The following BCKDHA variants were observed in gnomAD, a reference collection of about 807,000 sequenced individuals.
The protein encoded by BCKDHA is 2-oxoisovalerate dehydrogenase subunit alpha, mitochondrial.
In BCKDHA, 43 loss-of-function variants were observed where a neutral mutation model predicts 52.2. The observed-to-expected ratio is 0.82, with a 90% CI of 0.64 to 1.06. The LOEUF (loss-of-function observed/expected upper bound fraction) is 1.06, where lower values mean the gene tolerates loss of function less well. Ranked by LOEUF, BCKDHA falls within the 50% of genes least tolerant of loss-of-function variation. The pLI, the probability that BCKDHA is intolerant of heterozygous loss-of-function variation, is 0.00. For synonymous variants in BCKDHA, 234 were observed against 247.9 expected, an observed-to-expected ratio of 0.94 and a Z score of 0.53; for missense variants, 527 against 621.3, an observed-to-expected ratio of 0.85 and a Z score of 1.61.
chr19:41,420,382 T>TG lies in BCKDHA; in HGVS notation c.646+1089dup, dbSNP rs550952955. On this transcript the variant is annotated intron_variant, in intron 5 of 8. Transcript: ENST00000269980. The stretch of plus-strand genomic sequence containing the variant: ...GTGTGTGTGAGAGACAGCAAGTGAA[T>TG]GGGAAAAAAAAAAGTGCAGGAGCCT... Among the ~76,000 whole-genome samples the TG allele has an allele frequency of 5.5e-4, 82 of 150,332 alleles. 1 individual carries two copies. The highest frequency in any genetic ancestry group is 2.0e-3 in the African/African-American group (80 of 40,580).
chr19:41,419,804 G>A (rs886531109), intron 5 of BCKDHA, among the ~76,000 whole-genome samples: 6 of 135,160 alleles, frequency 4.4e-5, no homozygotes, highest in East Asian at 4.8e-4. Context: ...TTTCACTCTC[G>A]TCAGCCAGGT....
chr19:41,406,421 A>G (rs2039193698), intron 1 of BCKDHA, among the ~76,000 whole-genome samples: 1 of 152,092 alleles, frequency 6.6e-6, no homozygotes, highest in East Asian at 1.9e-4. Context: ...TCTTTGAGAC[A>G]GGGTATCACT....
intron 1 of BCKDHA, among the ~76,000 whole-genome samples, chr19:41,401,822 G>A (rs1409964036): frequency 2.0e-5 from 3 of 152,134 alleles, no homozygotes; most frequent in Non-Finnish European, 2.9e-5. Flanking sequence ...GCTAATTATC[G>A]GTGACTATTT....
chr19:41,422,996 A>G lies in BCKDHA; in HGVS notation c.996-2A>G, dbSNP rs2122146208. On this transcript the variant is annotated splice_acceptor_variant, in intron 7 of 8. Transcript: ENST00000269980. LOFTEE classifies it high-confidence loss of function. ...GACCTGGGGCCCCTTGCCCCTGTGCAGGATCGGGCACCACAGCACCAGTGA... is the reference window on the plus strand; with the variant it reads ...GACCTGGGGCCCCTTGCCCCTGTGCGGGATCGGGCACCACAGCACCAGTGA... 6.2e-7 allele frequency: 1 copy of G among 1,608,500 alleles called. No individual in the cohort carries two copies. Among genetic ancestry groups the G allele is most frequent in the Non-Finnish European group, 8.5e-7 (1 of 1,177,676 alleles).
chr19:41,418,795 C>T (rs1179459683), intron 4 of BCKDHA: 1 of 451,896 alleles, frequency 2.2e-6, no homozygotes, highest in South Asian at 1.6e-5. Flanking sequence ...CAACGTCAGC[C>T]TCTCAAAGTG....
At chr19:41,401,576 T>C (rs59777247) in intron 1 of BCKDHA, among the ~76,000 whole-genome samples, 4,737 of 152,242 alleles carry the variant, frequency 0.031, 232 homozygotes, top group African/African-American at 0.11. Context: ...GCCCTGCAGA[T>C]GTGTTTGCCT....
intron 1 of BCKDHA, among the ~76,000 whole-genome samples, chr19:41,404,300 A>T (rs1410193340): frequency 2.0e-5 from 3 of 148,782 alleles, no homozygotes; most frequent in East Asian, 2.0e-4. Flanking sequence ...TTATTTATTT[A>T]TTTTTTTGAG....
intron 1 of BCKDHA, among the ~76,000 whole-genome samples, chr19:41,404,379 T>A (rs932456117): frequency 2.6e-5 from 4 of 152,010 alleles, no homozygotes; most frequent in Middle Eastern, 3.4e-3. Context: ...AAGCTCTGCC[T>A]CCCAGGTTGA....
chr19:41,421,223 C>T (rs2039360588), intron 5 of BCKDHA, among the ~76,000 whole-genome samples: 1 of 152,164 alleles, frequency 6.6e-6, no homozygotes, highest in Admixed American at 6.5e-5. Flanking sequence ...AAGTTCCTGC[C>T]ATGTGCCGGT....
At chr19:41,414,290 A>C (rs2039286888) in intron 4 of BCKDHA, 133 bp downstream of exon 4, 1 of 944,696 alleles carries the variant, frequency 1.1e-6, no homozygotes, top group Admixed American at 2.0e-5. Flanking sequence ...CAAGCAAGAA[A>C]GAGACAAGCC....
chr19:41,403,409 C>T (rs2039158440), intron 1 of BCKDHA, among the ~76,000 whole-genome samples: 1 of 152,180 alleles, frequency 6.6e-6, no homozygotes, highest in Admixed American at 6.5e-5. Context: ...ACAGTGCCTG[C>T]CCCGTCTGGA....
intron 3 of BCKDHA, 49 bp downstream of exon 3, chr19:41,411,058 C>G: frequency 6.3e-7 from 1 of 1,591,856 alleles, no homozygotes; most frequent in Non-Finnish European, 8.6e-7. Context: ...ACCTGAGGTC[C>G]CCTACCTGTG....
chr19:41,410,843 G>A (rs201500256), intron 2 of BCKDHA, 27 bp downstream of exon 2: 39 of 1,613,570 alleles, frequency 2.4e-5, no homozygotes, highest in East Asian at 4.5e-5. Context: ...CCCACTTCCC[G>A]TGCCCCCCAC....
At chr19:41,399,197 GA>G (rs1274515206) in intron 1 of BCKDHA, among the ~76,000 whole-genome samples, 2 of 152,290 alleles carry the variant, frequency 1.3e-5, no homozygotes, top group African/African-American at 4.8e-5. Context: ...GGAGGAGGGT[GA>G]AGAAGATGGG....
intron 6 of BCKDHA, 109 bp from the exon 7 acceptor site, chr19:41,422,520 T>A: frequency 6.3e-7 from 1 of 1,580,404 alleles, no homozygotes; most frequent in Non-Finnish European, 8.7e-7. Context: ...GGAGTTGAGG[T>A]CCTGAGCACT....
chr19:41,423,269 C>G, intron 8 of BCKDHA, 100 bp downstream of exon 8: 1 of 1,512,130 alleles, frequency 6.6e-7, no homozygotes, highest in East Asian at 2.5e-5. Flanking sequence ...TCAGGGATAA[C>G]CCCAGTGATG....
At chr19:41,400,785 G>A (rs1314236389) in intron 1 of BCKDHA, among the ~76,000 whole-genome samples, 1 of 151,770 alleles carries the variant, frequency 6.6e-6, no homozygotes, top group South Asian at 2.1e-4. Context: ...CAAGGTGGGC[G>A]GGTTGCCTGA....
chr19:41,411,278 C>T (rs889479541), intron 3 of BCKDHA, among the ~76,000 whole-genome samples: 1 of 152,120 alleles, frequency 6.6e-6, no homozygotes, highest in African/African-American at 2.4e-5. Context: ...GAAGGCCTGA[C>T]AGCCCTTCCT....
chr19:41,408,532 T>C (rs1345903471), intron 1 of BCKDHA, among the ~76,000 whole-genome samples: 1 of 151,284 alleles, frequency 6.6e-6, no homozygotes, highest in East Asian at 1.9e-4. Flanking sequence ...TTTATAGGCT[T>C]CTCACAGGTC....
Sources: allele counts gnomAD v4.1 joint callset (sites outside exome capture counted in the v4.1 genomes callset), GRCh38; gene constraint gnomAD v4.1.1; transcripts MANE v1.5; gene names NCBI Gene and HGNC (gene_info 2026-07-23, HGNC 2026-07-21).